The following LAMC2 variants were observed in gnomAD, a reference collection of about 807,000 sequenced individuals.
LAMC2 encodes the protein laminin subunit gamma 2, also known as laminin subunit gamma-2.
LAMC2 carries 97 observed loss-of-function variants against 140.2 expected under a neutral mutation model. The observed-to-expected ratio is 0.69, with a 90% CI of 0.59 to 0.82. The LOEUF (loss-of-function observed/expected upper bound fraction) is 0.82. Among genes scored for constraint, LAMC2 ranks in the 40% least tolerant of loss-of-function variants. The probability of loss-of-function intolerance (pLI) is 0.00; values close to 1 mark genes in which losing one functional copy is unlikely to be tolerated. For missense variants in LAMC2, 1,402 were observed against 1,476.1 expected, an observed-to-expected ratio of 0.95 and a Z score of 0.82; for synonymous variants, 513 against 540.2, an observed-to-expected ratio of 0.95 and a Z score of 0.70.
chr1:183,238,377 A>C lies in LAMC2; in HGVS notation c.2825A>C (p.Asn942Thr). 6.2e-7 allele frequency: 1 copy of C among 1,614,072 alleles called. No homozygotes were observed. Among genetic ancestry groups the C allele is most frequent in the Non-Finnish European group, 8.5e-7 (1 of 1,179,944 alleles). The change falls in exon 19 of 23, where the codon AAT becomes ACT. Residue 942 changes from asparagine (N) to threonine (T), a missense_variant. By Grantham distance (65) the Asn-to-Thr change is moderately conservative. Around this residue, in one of 3 missense-constraint regions of LAMC2, gnomAD observed 670 missense variants for 667.2 expected, o/e 1.00. Transcript: ENST00000264144. ...SRAQEALSMG[N>T]ATFYEVESIL... ...GCACAAGAAGCACTGAGTATGGGCA[A>C]TGCCACTTTTTATGAAGTTGAGAGC...
Position 183,228,691 on chromosome 1 carries a change from A to C in LAMC2, c.1714+72A>C. 1 of 1,583,806 alleles carries C rather than the reference A, an allele frequency of 6.3e-7. No homozygotes were observed. The highest frequency in any genetic ancestry group is 1.1e-5 in the South Asian group (1 of 90,298). On this transcript the variant is annotated intron_variant, in intron 11 of 22. Transcript: ENST00000264144. The surrounding 1 kb of genome is among the most constrained non-coding windows in gnomAD (Gnocchi z 4.3). Reference sequence around the variant, plus strand: ...GTATGCACTTGCTTGCCATCTAAGCAGGGACAATGGCAGTTCATATCATGA... The same window carrying C: ...GTATGCACTTGCTTGCCATCTAAGCCGGGACAATGGCAGTTCATATCATGA...
rs748257688 is a variant in LAMC2 at position 183,186,438 on chromosome 1, C to T, written c.79+7C>T. Reference sequence around the variant, plus strand: ...GCCACCTCCAGGAGGGAAGGTGAGTCGGCTTCCACAAGGAAACATCTCAGC... The same window carrying T: ...GCCACCTCCAGGAGGGAAGGTGAGTTGGCTTCCACAAGGAAACATCTCAGC... On this transcript the variant is annotated splice_region_variant and intron_variant, in intron 1 of 22. Coordinates refer to ENST00000264144, the MANE Select transcript of LAMC2 (RefSeq NM_005562.3). 1.9e-6 allele frequency: 3 copies of T among 1,602,642 alleles called. No individual in the cohort carries two copies. The highest frequency in any genetic ancestry group is 3.3e-5 in the Admixed American group (2 of 59,974).
chr1:183,246,790 ATGGATTCTTGCTG>A (rs1660251519), downstream of LAMC2, among the ~76,000 whole-genome samples: 2 of 152,226 alleles, frequency 1.3e-5, no homozygotes, highest in South Asian at 4.1e-4. Flanking sequence ...TGGGAATGTT[ATGGATTCTTGCTG>A]TGGTTCAATT....
intron 3 of LAMC2, among the ~76,000 whole-genome samples, chr1:183,217,931 T>C (rs763586020): frequency 1.0e-3 from 156 of 152,256 alleles, no homozygotes; most frequent in Non-Finnish European, 1.3e-3. Context: ...TATATCTCAA[T>C]TGAGGAATTA....
At chr1:183,201,256 C>G (rs2102183391) in intron 1 of LAMC2, among the ~76,000 whole-genome samples, 1 of 152,132 alleles carries the variant, frequency 6.6e-6, no homozygotes, top group African/African-American at 2.4e-5. Context: ...TGTTTACTGA[C>G]CTTAGAATGG....
At chr1:183,231,224 C>T in intron 12 of LAMC2, 121 bp downstream of exon 12, 5 of 1,141,418 alleles carry the variant, frequency 4.4e-6, no homozygotes, top group Non-Finnish European at 5.2e-6. Context: ...GTAGTGATTA[C>T]TATTTCTGTC....
At chr1:183,239,983 G>T (rs1660080724) in intron 20 of LAMC2, 57 bp from the exon 21 acceptor site, 2 of 1,598,078 alleles carry the variant, frequency 1.3e-6, no homozygotes, top group African/African-American at 2.7e-5. Context: ...TCTTTGGGAT[G>T]TTTTTGTGCC....
chr1:183,245,144 T>TG (rs1660214779), downstream of LAMC2, among the ~76,000 whole-genome samples: 1 of 152,178 alleles, frequency 6.6e-6, no homozygotes, highest in African/African-American at 2.4e-5. Flanking sequence ...AAACTCTAGC[T>TG]GGGTGGGGGG....
At chr1:183,199,190 C>T (rs377627104) in intron 1 of LAMC2, among the ~76,000 whole-genome samples, 3 of 149,326 alleles carry the variant, frequency 2.0e-5, no homozygotes, top group East Asian at 3.9e-4. Context: ...CTGCAACCTC[C>T]GCCTCCCAGG....
the LAMC2 span, among the ~76,000 whole-genome samples, chr1:183,255,687 A>G: frequency 7.3e-6 from 1 of 136,598 alleles, no homozygotes; most frequent in Non-Finnish European, 1.5e-5. Flanking sequence ...TTTTTCAGAC[A>G]GAGTCTCACT....
Position 183,231,009 on chromosome 1 carries a change from A to C in LAMC2, c.1763A>C (p.Asp588Ala). ...MGSEPVGCRSDGTCVCKPGFG... is the reference protein window; with the variant it reads ...MGSEPVGCRSAGTCVCKPGFG... Reference sequence around the variant, plus strand: ...TCAGAGCCTGTAGGATGTCGAAGTGATGGCACCTGTGTTTGCAAGCCAGGA... The same window carrying C: ...TCAGAGCCTGTAGGATGTCGAAGTGCTGGCACCTGTGTTTGCAAGCCAGGA... Residue 588 changes from aspartate (D) to alanine (A), a missense_variant, in exon 12 of 23, where the codon GAT becomes GCT. Around this residue, in one of 3 missense-constraint regions of LAMC2, gnomAD observed 723 missense variants for 783.3 expected, o/e 0.92. Coordinates refer to ENST00000264144, the MANE Select transcript of LAMC2 (RefSeq NM_005562.3). The C allele has an allele frequency of 3.7e-6, 6 of 1,614,134 alleles. No individual in the cohort carries two copies. The highest frequency in any genetic ancestry group is 3.4e-6 in the Non-Finnish European group (4 of 1,180,016).
Position 183,243,361 on chromosome 1 carries a change from C to T in LAMC2, c.3543C>T (p.Pro1181=), listed in dbSNP as rs1203037557. The T allele has an allele frequency of 5.6e-6, 9 of 1,614,050 alleles. No homozygotes were observed. Among genetic ancestry groups the T allele is most frequent in the Non-Finnish European group, 6.8e-6 (8 of 1,180,026 alleles). Residue 1181 remains proline (P), a synonymous_variant, in exon 23 of 23, where the codon CCC becomes CCT. Coordinates refer to ENST00000264144, the MANE Select transcript of LAMC2 (RefSeq NM_005562.3). The part of the protein sequence containing the change: ...KNLENIRDNL[P]PGCYNTQALE... ...TGGAGAACATTAGGGACAACCTGCCCCCAGGCTGCTACAATACCCAGGCTC... is the reference window on the plus strand; with the variant it reads ...TGGAGAACATTAGGGACAACCTGCCTCCAGGCTGCTACAATACCCAGGCTC...
At position 183,238,888 on chromosome 1, in the gene LAMC2, C is replaced by T. The variant is rs1209608303; in HGVS notation, c.2869+467C>T. Reference sequence around the variant, plus strand: ...CAACCTTTGTCACTGCATCTAGATCCCAGGAGATTTAGATTTGTGCCTCGC... The same window carrying T: ...CAACCTTTGTCACTGCATCTAGATCTCAGGAGATTTAGATTTGTGCCTCGC... On this transcript the variant is annotated intron_variant, in intron 19 of 22. Coordinates refer to ENST00000264144, the MANE Select transcript of LAMC2 (RefSeq NM_005562.3). 3.3e-5 allele frequency among the ~76,000 whole-genome samples: 5 copies of T among 152,144 alleles called. No homozygotes were observed. The East Asian group carries it at 9.6e-4, about 29-fold the overall frequency.
intron 14 of LAMC2, 122 bp from the exon 15 acceptor site, chr1:183,234,245 G>C: frequency 1.3e-6 from 1 of 741,060 alleles, no homozygotes; most frequent in Non-Finnish European, 2.5e-6. Flanking sequence ...AAGTGTCAGG[G>C]TGTGGAACCC....
chr1:183,203,135 A>C (rs1234474160), intron 1 of LAMC2, among the ~76,000 whole-genome samples: 2 of 152,172 alleles, frequency 1.3e-5, no homozygotes, highest in African/African-American at 2.4e-5. Context: ...TTTTGGCCAA[A>C]ATTTTAAAAC....
chr1:183,243,109 C>T (rs748924994), intron 22 of LAMC2, 38 bp from the exon 23 acceptor site: 25 of 1,612,932 alleles, frequency 1.5e-5, no homozygotes, highest in Non-Finnish European at 2.0e-5. Flanking sequence ...CTAACTACAG[C>T]TTTTCTATGT....
intron 1 of LAMC2, among the ~76,000 whole-genome samples, chr1:183,205,224 C>T (rs1658848454): frequency 1.3e-5 from 2 of 152,284 alleles, no homozygotes; most frequent in South Asian, 4.1e-4. Context: ...ATTGGGTTAG[C>T]CAGATGAAGA....
At chr1:183,207,437 G>A (rs188668535) in intron 1 of LAMC2, among the ~76,000 whole-genome samples, 1 of 152,274 alleles carries the variant, frequency 6.6e-6, no homozygotes, top group African/African-American at 2.4e-5. Context: ...CTTGAGCAGC[G>A]ACACCATCGG....
At chr1:183,247,805 C>T (rs1660269956), downstream of LAMC2, among the ~76,000 whole-genome samples, 1 of 152,166 alleles carries the variant, frequency 6.6e-6, no homozygotes, top group South Asian at 2.1e-4. Context: ...TTCACTTTTG[C>T]TTGTTTACAT....
Sources: gnomAD v4.1 joint callset for allele counts (sites outside exome capture counted in the v4.1 genomes callset) on GRCh38, gnomAD v4.1.1 for gene constraint, gnomAD v4.1.1 regional missense constraint, Gnocchi (gnomAD v3.1) non-coding constraint, MANE v1.5 for transcripts, NCBI Gene and HGNC (gene_info 2026-07-23, HGNC 2026-07-21) for gene names.